Variants in MYH11 observed in about 807,000 individuals in gnomAD.
MYH11 encodes the protein myosin-11.
Under a neutral mutation model 246.6 loss-of-function variants are expected in MYH11, and 80 were observed. The ratio of observed to expected loss-of-function variants is 0.32; its 90% CI spans 0.27 to 0.39. The LOEUF is 0.39. Ranked by LOEUF, MYH11 falls within the 10% of genes least tolerant of loss-of-function variation. MYH11 has a pLI of 1.00. For missense variants in MYH11, 2,158 were observed against 2,546.8 expected (o/e 0.85, Z 3.29); for synonymous variants, 1,071 against 1,015.5 (o/e 1.05, Z -1.04).
chr16:15,754,217 A>T lies in MYH11; in HGVS notation c.1750-709T>A, dbSNP rs551352558. On this transcript the variant is annotated intron_variant, in intron 14 of 40. Coordinates refer to ENST00000300036, the MANE Select transcript of MYH11 (RefSeq NM_002474.3). ...GGGTGACAGAGTGAGACTCTGTCTC[A>T]AAATAATTAAATAAATAAATTAATT... 2.0e-4 allele frequency among the ~76,000 whole-genome samples: 31 copies of T among 152,256 alleles called. No individual in the cohort carries two copies. The East Asian group carries it at 5.2e-3, about 26-fold the overall frequency.
intron 3 of MYH11, among the ~76,000 whole-genome samples, chr16:15,820,476 A>G (rs1425038043): frequency 3.0e-5 from 3 of 101,450 alleles, no homozygotes; most frequent in Admixed American, 9.1e-5. Context: ...CTCCATCCGG[A>G]AAAAAAAAAA....
At chr16:15,709,091 C>T (rs1431603793) in intron 40 of MYH11, among the ~76,000 whole-genome samples, 3 of 151,534 alleles carry the variant, frequency 2.0e-5, no homozygotes, top group Non-Finnish European at 4.4e-5. Context: ...TACAGGCAGG[C>T]CCCACGTGCT....
At chr16:15,829,870 C>T (rs906900554) in intron 2 of MYH11, among the ~76,000 whole-genome samples, 3 of 152,164 alleles carry the variant, frequency 2.0e-5, no homozygotes, top group African/African-American at 4.8e-5. Flanking sequence ...CGCAGTGGCT[C>T]ACACCTGTAA....
intron 4 of MYH11, among the ~76,000 whole-genome samples, chr16:15,797,916 A>T (rs779522876): frequency 6.6e-6 from 1 of 152,064 alleles, no homozygotes; most frequent in East Asian, 1.9e-4. Context: ...ATGTCCCCTC[A>T]GATGTGCTCC....
At chr16:15,816,484 G>C (rs1231107599) in intron 3 of MYH11, among the ~76,000 whole-genome samples, 2 of 152,104 alleles carry the variant, frequency 1.3e-5, no homozygotes, top group African/African-American at 4.8e-5. Context: ...TAGTCACAAA[G>C]CAGTGCAAAG....
intron 2 of MYH11, among the ~76,000 whole-genome samples, chr16:15,826,996 C>CAAA (rs10573425): frequency 3.4e-5 from 2 of 57,974 alleles, no homozygotes; most frequent in Admixed American, 2.4e-4. Context: ...GAACCCATCT[C>CAAA]AAAAAAAAAA....
chr16:15,781,240 T>C (rs1332084839), intron 6 of MYH11, among the ~76,000 whole-genome samples: 1 of 152,330 alleles, frequency 6.6e-6, no homozygotes, highest in East Asian at 1.9e-4. Flanking sequence ...TTGTCTTATG[T>C]TATTTCTTCT....
At chr16:15,804,120 C>A (rs2042953729) in intron 3 of MYH11, among the ~76,000 whole-genome samples, 2 of 152,204 alleles carry the variant, frequency 1.3e-5, no homozygotes, top group African/African-American at 4.8e-5. Context: ...CAAGTGATTT[C>A]TTCTGCCCAG....
chr16:15,847,545 T>C (rs215574), intron 1 of MYH11, among the ~76,000 whole-genome samples: 124,894 of 152,194 alleles, frequency 0.82, 52,091 homozygotes, highest in Non-Finnish European at 0.9. Context: ...TGAGCCGCTG[T>C]GCCCAGCCCT....
At position 15,757,817 on chromosome 16, in the gene MYH11, T is replaced by C; in HGVS notation, c.1575+10A>G. On this transcript the variant is annotated intron_variant, in intron 13 of 40. Coordinates refer to ENST00000300036, the MANE Select transcript of MYH11 (RefSeq NM_002474.3). The stretch of plus-strand genomic sequence containing the variant: ...TGTGACGGAGCCCCGCACGCCCACG[T>C]GCCCCTCACCGGTCGCTCGATGAGC... The C allele has an allele frequency of 6.2e-7, 1 of 1,614,184 alleles. No homozygotes were observed. Among genetic ancestry groups the C allele is most frequent in the Non-Finnish European group, 8.5e-7 (1 of 1,180,014 alleles).
chr16:15,756,960 G>A (rs1256294643), intron 13 of MYH11, among the ~76,000 whole-genome samples: 4 of 151,452 alleles, frequency 2.6e-5, no homozygotes, highest in East Asian at 3.9e-4. Context: ...CACGGCGCCC[G>A]GCTGATTTTT....
intron 40 of MYH11, chr16:15,714,133 G>A (rs2039980469): frequency 6.5e-6 from 1 of 152,686 alleles, no homozygotes; most frequent in Non-Finnish European, 1.5e-5. Context: ...TGGGAGACAG[G>A]AAGCCCGGAG....
intron 2 of MYH11, among the ~76,000 whole-genome samples, chr16:15,836,332 G>A (rs2043890756): frequency 6.6e-6 from 1 of 152,094 alleles, no homozygotes; most frequent in Non-Finnish European, 1.5e-5. Context: ...GCCACAGGTG[G>A]CTATTGACTA....
chr16:15,739,941 C>G (rs1386946537), intron 23 of MYH11, 110 bp downstream of exon 23: 5 of 1,166,924 alleles, frequency 4.3e-6, no homozygotes, highest in Non-Finnish European at 6.3e-6. Context: ...GGAGTTTTAC[C>G]CTGTTGGCCA....
At chr16:15,731,588 T>G (rs1218701120) in intron 27 of MYH11, among the ~76,000 whole-genome samples, 2 of 151,804 alleles carry the variant, frequency 1.3e-5, no homozygotes, top group African/African-American at 2.4e-5. Context: ...TCCTCCTGGG[T>G]CCAAGTGATT....
intron 3 of MYH11, 83 bp downstream of exon 3, chr16:15,823,172 C>G (rs755449125): frequency 1.3e-6 from 2 of 1,590,116 alleles, no homozygotes; most frequent in Non-Finnish European, 8.6e-7. Context: ...CTGCCAAACT[C>G]CACATTCCTG....
chr16:15,724,187 C>G lies in MYH11; in HGVS notation c.4339G>C (p.Glu1447Gln). The G allele has an allele frequency of 6.2e-7, 1 of 1,613,942 alleles. No homozygotes were observed. The highest frequency in any genetic ancestry group is 1.3e-5 in the African/African-American group (1 of 75,046). ...DNQRQLVSNL[E>Q]KKQRKFDQLL... is the part of the protein sequence containing the mutation. ...TGATCAAATTTCCTCTGCTTCTTTT[C>G]CAGGTTGGACACGAGTTGCCGCTGG... The change falls in exon 31 of 41, where the codon GAA (glutamate) becomes CAA (glutamine). Residue 1447 changes from glutamate to glutamine, a missense_variant. Glu to Gln is a conservative substitution (Grantham distance 29, BLOSUM62 2). Coordinates refer to ENST00000300036, the MANE Select transcript of MYH11 (RefSeq NM_002474.3).
chr16:15,799,541 T>C (rs1379026832), intron 3 of MYH11, among the ~76,000 whole-genome samples: 1 of 152,082 alleles, frequency 6.6e-6, no homozygotes, highest in Non-Finnish European at 1.5e-5. Flanking sequence ...ACCCAAAAGA[T>C]ACAGAGGTCA....
intron 1 of MYH11, among the ~76,000 whole-genome samples, chr16:15,852,765 A>G (rs2044363150): frequency 6.6e-6 from 1 of 152,202 alleles, no homozygotes; most frequent in Non-Finnish European, 1.5e-5. Context: ...AAAAAGTCCA[A>G]GGATGAAAGA....
Sources: allele counts gnomAD v4.1 joint callset (sites outside exome capture counted in the v4.1 genomes callset), GRCh38; gene constraint gnomAD v4.1.1; transcripts MANE v1.5; gene names NCBI Gene and HGNC (gene_info 2026-07-23, HGNC 2026-07-21).